Variants in DISP1 observed in about 807,000 individuals in gnomAD.
DISP1 encodes the protein dispatched RND transporter family member 1.
A neutral mutation model predicts 37.3 loss-of-function variants in DISP1; 30 were observed. The observed-to-expected ratio is 0.80, with a 90% CI of 0.60 to 1.09. The LOEUF (loss-of-function observed/expected upper bound fraction) is 1.09. Ranked by LOEUF, DISP1 falls within the 50% of genes least tolerant of loss-of-function variation. The pLI, the probability that DISP1 is intolerant of heterozygous loss-of-function variation, is 0.00. For synonymous variants in DISP1, 634 were observed against 690.2 expected, an observed-to-expected ratio of 0.92 and a Z score of 1.28; for missense variants, 1,598 against 1,879.5, an observed-to-expected ratio of 0.85 and a Z score of 2.77.
chr1:222,995,005 T>C (rs1251795361), intron 8 of DISP1, 23 bp downstream of exon 8: 1 of 1,555,620 alleles, frequency 6.4e-7, no homozygotes, highest in East Asian at 2.2e-5. Context: ...AAAACTAAAA[T>C]CTCCTTAGCA....
At position 223,004,080 on chromosome 1, in the gene DISP1, A is replaced by G; in HGVS notation, c.2683A>G (p.Met895Val). 1 of 1,614,192 alleles carries G rather than the reference A, an allele frequency of 6.2e-7. No individual in the cohort carries two copies. The highest frequency in any genetic ancestry group is 8.5e-7 in the Non-Finnish European group (1 of 1,180,038). The change falls in exon 9 of 9, where the codon ATG becomes GTG. Residue 895 changes from methionine (M) to valine (V), a missense_variant. Met to Val is a conservative substitution (Grantham distance 21). Transcript: ENST00000675850. This position sits in a 1 kb window ranked among gnomAD's most constrained non-coding sequence, Gnocchi z 4.9. Reference protein sequence around the residue: ...IFELCIKRAIMELERSTGYHL... With the variant: ...IFELCIKRAIVELERSTGYHL... ...TGAACTGTGCATCAAGAGAGCTATC[A>G]TGGAGCTGGAAAGGAGTACAGGGTA...
intron 1 of DISP1, among the ~76,000 whole-genome samples, chr1:222,856,311 C>T (rs1240346961): frequency 6.6e-6 from 1 of 152,216 alleles, no homozygotes; most frequent in South Asian, 2.1e-4. Context: ...TGCTGTCATT[C>T]ATTACTAATC....
chr1:222,892,022 G>T (rs1175798898), intron 1 of DISP1, among the ~76,000 whole-genome samples: 11 of 151,544 alleles, frequency 7.3e-5, no homozygotes, highest in Admixed American at 7.2e-4. Flanking sequence ...AGAGGAGGGA[G>T]TGATACCTTA....
chr1:222,828,774 A>T lies in DISP1; in HGVS notation c.-159+13696A>T, dbSNP rs1373910096. On this transcript the variant is annotated intron_variant, in intron 1 of 8. Transcript: ENST00000675850. Reference sequence around the variant, plus strand: ...TCACCTCTCTAGACTTGTACTTTTTAAAAAATTATTTCTGCCCTTGGAGCA... The same window carrying T: ...TCACCTCTCTAGACTTGTACTTTTTTAAAAATTATTTCTGCCCTTGGAGCA... Among the ~76,000 whole-genome samples the T allele has an allele frequency of 2.0e-5, 3 of 152,148 alleles. No homozygotes were observed. The East Asian group carries it at 5.8e-4, about 29-fold the overall frequency.
chr1:222,906,820 C>T (rs1467470886), intron 1 of DISP1, among the ~76,000 whole-genome samples: 1 of 152,230 alleles, frequency 6.6e-6, no homozygotes, highest in African/African-American at 2.4e-5. Context: ...AACTTGGTTT[C>T]TTAATAAACT....
intron 3 of DISP1, among the ~76,000 whole-genome samples, chr1:222,981,617 G>A (rs1235416430): frequency 6.6e-6 from 1 of 152,214 alleles, no homozygotes; most frequent in African/African-American, 2.4e-5. Flanking sequence ...CTTTTTAAGA[G>A]TGGGTACATG....
chr1:222,816,801 A>T (rs1482648052), intron 1 of DISP1, among the ~76,000 whole-genome samples: 2 of 152,242 alleles, frequency 1.3e-5, no homozygotes, highest in African/African-American at 4.8e-5. Flanking sequence ...AAATGAAGAG[A>T]TAACACTGAT....
chr1:222,944,562 G>A (rs1280868675), intron 3 of DISP1, among the ~76,000 whole-genome samples: 1 of 152,160 alleles, frequency 6.6e-6, no homozygotes, highest in Non-Finnish European at 1.5e-5. Flanking sequence ...GTATACAAAA[G>A]TGTAACCCAT....
intron 1 of DISP1, among the ~76,000 whole-genome samples, chr1:222,908,174 C>T (rs1672012131): frequency 6.6e-6 from 1 of 152,052 alleles, no homozygotes; most frequent in African/African-American, 2.4e-5. Flanking sequence ...AGGTAAAAAA[C>T]TGGCTCAAAT....
chr1:222,838,587 T>A (rs959043277), intron 1 of DISP1, among the ~76,000 whole-genome samples: 54 of 151,982 alleles, frequency 3.6e-4, no homozygotes, highest in African/African-American at 1.3e-3. Flanking sequence ...CTGGGCAACA[T>A]AGTGAGACCC....
intron 1 of DISP1, among the ~76,000 whole-genome samples, chr1:222,830,437 G>A (rs1253351919): frequency 1.3e-5 from 2 of 150,846 alleles, no homozygotes; most frequent in African/African-American, 2.4e-5. Flanking sequence ...CTGGAGTGCC[G>A]TGGCCCGATC....
chr1:222,930,758 A>G (rs1000090981), intron 2 of DISP1, among the ~76,000 whole-genome samples: 4 of 152,128 alleles, frequency 2.6e-5, no homozygotes, highest in African/African-American at 9.7e-5. Context: ...AATTTAAGGA[A>G]TAGAGAAAGA....
At chr1:222,854,705 G>A (rs1309113593) in intron 1 of DISP1, among the ~76,000 whole-genome samples, 2 of 151,534 alleles carry the variant, frequency 1.3e-5, no homozygotes, top group African/African-American at 4.8e-5. Context: ...TTTGTTAATT[G>A]GGAATCCTAT....
intron 1 of DISP1, among the ~76,000 whole-genome samples, chr1:222,916,439 T>G (rs1287362329): frequency 6.6e-6 from 1 of 152,230 alleles, no homozygotes; most frequent in Non-Finnish European, 1.5e-5. Flanking sequence ...CATTGGAGTT[T>G]GCAATAAATA....
At chr1:222,997,499 A>G (rs1207631319) in intron 8 of DISP1, among the ~76,000 whole-genome samples, 1 of 152,206 alleles carries the variant, frequency 6.6e-6, no homozygotes, top group Non-Finnish European at 1.5e-5. Context: ...ATTAAAGTTC[A>G]GCTGATTTGC....
At chr1:222,842,757 T>C (rs141969976) in intron 1 of DISP1, among the ~76,000 whole-genome samples, 75 of 152,154 alleles carry the variant, frequency 4.9e-4, no homozygotes, top group South Asian at 6.2e-4. Flanking sequence ...TAAAAATGGA[T>C]TTAATTTTGT....
chr1:222,851,854 T>C (rs2378601), intron 1 of DISP1, among the ~76,000 whole-genome samples: 92,029 of 151,534 alleles, frequency 0.61, 28,981 homozygotes, highest in African/African-American at 0.77. Context: ...TACAAGCTAA[T>C]TGTCCAGTAG....
Position 223,005,721 on chromosome 1 carries a change from A to G in DISP1, c.4324A>G (p.Ser1442Gly). ...CAAGGCAGGAGGGAAAGTGGAGCTG[A>G]GCTTGTCACAGACGGATGCAAGTGT... Reference protein sequence around the residue: ...ENKAGGKVELSLSQTDASVNS... With the variant: ...ENKAGGKVELGLSQTDASVNS... The change falls in exon 9 of 9, where the codon AGC becomes GGC. Residue 1442 changes from serine to glycine, a missense_variant. Ser to Gly is a moderately conservative substitution (Grantham distance 56). Coordinates refer to ENST00000675850, the MANE Select transcript of DISP1 (RefSeq NM_001377229.1). 1 of 1,614,208 alleles carries G rather than the reference A, an allele frequency of 6.2e-7. No homozygotes were observed. The highest frequency in any genetic ancestry group is 8.5e-7 in the Non-Finnish European group (1 of 1,180,040).
chr1:222,990,265 C>A (rs560783272), intron 4 of DISP1, among the ~76,000 whole-genome samples: 7 of 152,182 alleles, frequency 4.6e-5, no homozygotes, highest in Non-Finnish European at 1.0e-4. Flanking sequence ...AATTTATTTT[C>A]TTTCCACTGA....
Sources: allele counts gnomAD v4.1 joint callset (sites outside exome capture counted in the v4.1 genomes callset), GRCh38; gene constraint gnomAD v4.1.1; non-coding constraint Gnocchi (gnomAD v3.1); transcripts MANE v1.5; gene names NCBI Gene and HGNC (gene_info 2026-07-23, HGNC 2026-07-21).